Variants in PRKCB observed in about 807,000 individuals in gnomAD.
PRKCB encodes protein kinase C beta type.
A neutral mutation model predicts 81.5 loss-of-function variants in PRKCB; 13 were observed. That is an observed-to-expected ratio of 0.16 (90% CI 0.10 to 0.25). The LOEUF (loss-of-function observed/expected upper bound fraction) is 0.25. Among genes scored for constraint, PRKCB ranks in the 10% least tolerant of loss-of-function variants. The pLI, the probability that PRKCB is intolerant of heterozygous loss-of-function variation, is 1.00. For missense variants in PRKCB, 509 were observed against 875.7 expected, an observed-to-expected ratio of 0.58 and a Z score of 5.29; for synonymous variants, 335 against 321.4, an observed-to-expected ratio of 1.04 and a Z score of -0.45.
intron 16 of PRKCB, among the ~76,000 whole-genome samples, chr16:24,204,719 A>G (rs1567412277): frequency 6.6e-6 from 1 of 152,242 alleles, no homozygotes; most frequent in African/African-American, 2.4e-5. Flanking sequence ...TAAAAACTAA[A>G]AAACATCCAT....
intron 2 of PRKCB, among the ~76,000 whole-genome samples, chr16:23,899,228 C>T (rs1403598055): frequency 6.6e-6 from 1 of 152,212 alleles, no homozygotes; most frequent in East Asian, 1.9e-4. Context: ...GCTTGGCTTT[C>T]AGGCAGCAGG....
At chr16:23,988,709 G>A (rs1486491582) in intron 3 of PRKCB, 119 bp downstream of exon 3, 7 of 925,990 alleles carry the variant, frequency 7.6e-6, no homozygotes, top group Non-Finnish European at 1.2e-5. Context: ...GGCATGTGGT[G>A]GTCCCTATAG....
At chr16:24,016,290 C>A (rs188829908) in intron 3 of PRKCB, among the ~76,000 whole-genome samples, 2 of 152,170 alleles carry the variant, frequency 1.3e-5, no homozygotes, top group Non-Finnish European at 2.9e-5. Context: ...TTTCACCCAG[C>A]GGCCTGGGTG....
At chr16:23,847,936 C>A (rs369465074) in intron 2 of PRKCB, among the ~76,000 whole-genome samples, 9 of 152,178 alleles carry the variant, frequency 5.9e-5, no homozygotes, top group Non-Finnish European at 1.3e-4. Flanking sequence ...TACTCCTCCT[C>A]GGACCGGTGA....
chr16:23,939,942 A>G (rs1964117012), intron 2 of PRKCB, among the ~76,000 whole-genome samples: 1 of 152,190 alleles, frequency 6.6e-6, no homozygotes, highest in Admixed American at 6.5e-5. Flanking sequence ...ATATTTGCAA[A>G]TCACTTATCT....
intron 5 of PRKCB, among the ~76,000 whole-genome samples, chr16:24,076,588 G>C (rs182121962): frequency 1.3e-5 from 2 of 152,148 alleles, no homozygotes; most frequent in Non-Finnish European, 2.9e-5. Context: ...GCATGGTCTG[G>C]GGGGAGGAGC....
At chr16:24,080,900 G>A (rs934148158) in intron 5 of PRKCB, among the ~76,000 whole-genome samples, 2 of 152,090 alleles carry the variant, frequency 1.3e-5, no homozygotes, top group African/African-American at 4.8e-5. Context: ...AAATAATACT[G>A]ATTCTCCTAA....
rs572386255 is a variant in PRKCB at position 23,937,537 on chromosome 16, T to G, written c.206-50971T>G. The stretch of plus-strand genomic sequence containing the variant: ...ATAGGAGGAACAGGGTCAACAACAC[T>G]GAAAATAGTCAGATAACCAGTTGCT... On this transcript the variant is annotated intron_variant, in intron 2 of 16. Coordinates refer to ENST00000643927, the MANE Select transcript of PRKCB (RefSeq NM_002738.7). Among the ~76,000 whole-genome samples the G allele has an allele frequency of 2.0e-5, 3 of 152,274 alleles. No individual in the cohort carries two copies. In the South Asian group the frequency reaches 6.2e-4, roughly 32 times the overall value.
intron 10 of PRKCB, among the ~76,000 whole-genome samples, chr16:24,168,716 ATTTTTTTTTTTTT>A (rs945320742): frequency 5.1e-4 from 38 of 74,526 alleles, no homozygotes; most frequent in Middle Eastern, 9.4e-3. Context: ...ATGCCTGGCT[ATTTTTTTTTTTTT>A]TTTTTTTTTG....
At chr16:24,068,803 G>C (rs1413656178) in intron 5 of PRKCB, among the ~76,000 whole-genome samples, 2 of 152,166 alleles carry the variant, frequency 1.3e-5, no homozygotes, top group Non-Finnish European at 2.9e-5. Context: ...TTAAAGAAGG[G>C]TGTTGTGAGC....
chr16:24,180,651 G>A (rs1415341813), intron 12 of PRKCB, 139 bp from the exon 13 acceptor site: 1 of 961,830 alleles, frequency 1.0e-6, no homozygotes, highest in African/African-American at 1.6e-5. Context: ...GTAAGCTGTT[G>A]GAGGTCAAAG....
chr16:23,985,034 A>G (rs1964784814), intron 2 of PRKCB, among the ~76,000 whole-genome samples: 1 of 152,214 alleles, frequency 6.6e-6, no homozygotes, highest in South Asian at 2.1e-4. Flanking sequence ...GTTTTTTTAA[A>G]AAATGCTTTA....
At chr16:24,157,447 C>T (rs1193841388) in intron 10 of PRKCB, among the ~76,000 whole-genome samples, 2 of 151,524 alleles carry the variant, frequency 1.3e-5, no homozygotes, top group Non-Finnish European at 2.9e-5. Context: ...TTTTACCCCA[C>T]TTCGCTCTGC....
At chr16:23,954,609 G>T (rs958322702) in intron 2 of PRKCB, among the ~76,000 whole-genome samples, 2 of 152,194 alleles carry the variant, frequency 1.3e-5, no homozygotes, top group African/African-American at 2.4e-5. Context: ...TGACAGGACA[G>T]CATGGACACT....
At chr16:24,214,544 A>T in intron 16 of PRKCB, 114 bp from the exon 17 acceptor site, 1 of 826,172 alleles carries the variant, frequency 1.2e-6, no homozygotes, top group Non-Finnish European at 1.9e-6. Flanking sequence ...GAGTTTCTGA[A>T]AGGGAAGGGA....
At chr16:24,123,416 C>T (rs543153961) in intron 8 of PRKCB, among the ~76,000 whole-genome samples, 2 of 152,194 alleles carry the variant, frequency 1.3e-5, no homozygotes, top group East Asian at 1.9e-4. Context: ...CGATCTTTAC[C>T]CTGAAAATGA....
intron 16 of PRKCB, among the ~76,000 whole-genome samples, chr16:24,205,682 T>A (rs1968036120): frequency 6.6e-6 from 1 of 152,214 alleles, no homozygotes; most frequent in South Asian, 2.1e-4. Context: ...GTGCTTAACA[T>A]ACACTATTAT....
intron 3 of PRKCB, among the ~76,000 whole-genome samples, chr16:24,017,098 G>A (rs2141841584): frequency 6.6e-6 from 1 of 152,230 alleles, no homozygotes; most frequent in South Asian, 2.1e-4. Flanking sequence ...CTAGGGGAGG[G>A]GCCAGTGGGT....
At chr16:24,135,983 G>A (rs1253919260) in intron 9 of PRKCB, among the ~76,000 whole-genome samples, 1 of 151,930 alleles carries the variant, frequency 6.6e-6, no homozygotes, top group African/African-American at 2.4e-5. Flanking sequence ...GACATTTGCT[G>A]TCTGATCTTG....
Sources: allele counts gnomAD v4.1 joint callset (sites outside exome capture counted in the v4.1 genomes callset), GRCh38; gene constraint gnomAD v4.1.1; transcripts MANE v1.5; gene names NCBI Gene and HGNC (gene_info 2026-07-23, HGNC 2026-07-21).